CCDC27: variants seen among roughly 807,000 people sequenced by gnomAD.
The protein encoded by CCDC27 is coiled-coil domain containing 27, also known as coiled-coil domain-containing protein 27.
In CCDC27, 80 loss-of-function variants were observed where a neutral mutation model predicts 80.3. That is an observed-to-expected ratio of 1.00 (90% confidence interval 0.83 to 1.20). The LOEUF is 1.20. CCDC27 is among the 50% of genes most tolerant of loss of function. The probability of loss-of-function intolerance (pLI) is 0.00; values close to 1 mark genes in which losing one functional copy is unlikely to be tolerated. For missense variants in CCDC27, 815 were observed against 809.4 expected (o/e 1.01, Z -0.08); for synonymous variants, 342 against 334.3 (o/e 1.02, Z -0.25).
chr1:3,753,582 C>T (rs1027522207), intron 1 of CCDC27, among the ~76,000 whole-genome samples: 4 of 152,146 alleles, frequency 2.6e-5, no homozygotes, highest in African/African-American at 7.2e-5. Flanking sequence ...GTGATCTGCC[C>T]GCCTTGGCCT....
At position 3,766,675 on chromosome 1, in the gene CCDC27, C is replaced by T; in HGVS notation, c.1530+63C>T. The T allele has an allele frequency of 7.3e-7, 1 of 1,376,606 alleles. No homozygotes were observed. Among genetic ancestry groups the T allele is most frequent in the Non-Finnish European group, 1.0e-6 (1 of 972,008 alleles). 85.3% of individuals were successfully genotyped at this position (1,376,606 alleles called of 1,614,324 possible). ...ACTGTTCTTACTGTAAGTCCCAACA[C>T]AGCAAAGGGCAAGACGGGGCTGGAG... On this transcript the variant is annotated intron_variant, in intron 9 of 11. Coordinates refer to ENST00000294600, the MANE Select transcript of CCDC27 (RefSeq NM_152492.3). The surrounding 1 kb of genome is among the most constrained non-coding windows in gnomAD (Gnocchi z 6.1).
chr1:3,752,947 G>A (rs973188148), intron 1 of CCDC27, 148 bp downstream of exon 1: 24 of 933,872 alleles, frequency 2.6e-5, no homozygotes, highest in Admixed American at 1.4e-4. Context: ...GGCAGGCAAC[G>A]AATTGAGCGC....
chr1:3,758,609 T>C (rs901513331), intron 4 of CCDC27, among the ~76,000 whole-genome samples: 1 of 152,212 alleles, frequency 6.6e-6, no homozygotes, highest in Non-Finnish European at 1.5e-5. Flanking sequence ...ATTTAATTTA[T>C]TATGAGACAA....
chr1:3,756,690 G>A, intron 3 of CCDC27, 43 bp from the exon 4 acceptor site: 1 of 1,608,470 alleles, frequency 6.2e-7, no homozygotes. Flanking sequence ...GAGCTCGGCA[G>A]GGAAGGGTCT....
Position 3,763,798 on chromosome 1 carries a change from C to A in CCDC27, c.1414C>A (p.Arg472=). The A allele has an allele frequency of 1.2e-6, 2 of 1,614,078 alleles. No homozygotes were observed. The highest frequency in any genetic ancestry group is 1.7e-6 in the Non-Finnish European group (2 of 1,179,982). ...TENETLQKEL[R]ERRQQLQAMT... is the part of the protein sequence containing the mutation. Reference sequence around the variant, plus strand: ...AAATGAGACGCTGCAGAAGGAGCTCCGAGAGCGGAGGCAGCAGCTACAAGC... The same window carrying A: ...AAATGAGACGCTGCAGAAGGAGCTCAGAGAGCGGAGGCAGCAGCTACAAGC... Residue 472 remains arginine (R), a synonymous_variant, in exon 8 of 12, where the codon CGA becomes AGA. Transcript: ENST00000294600. The surrounding 1 kb of genome is among the most constrained non-coding windows in gnomAD (Gnocchi z 7.5).
In CCDC27 at chr1:3,768,144, G is replaced by T. The variant is rs1051776537; in HGVS notation, c.1743+699G>T. 6.7e-6 allele frequency among the ~76,000 whole-genome samples: 1 copy of T among 149,558 alleles called. No individual in the cohort carries two copies. Among genetic ancestry groups the T allele is most frequent in the African/African-American group, 2.5e-5 (1 of 40,356 alleles). ...GGGTCTTTCTCTGTCATCCAGTCTG[G>T]AGTGCAGTGGGGTGATAACAGCTCA... On this transcript the variant is annotated intron_variant, in intron 10 of 11. Transcript: ENST00000294600. The surrounding 1 kb of genome is among the most constrained non-coding windows in gnomAD (Gnocchi z 5.6).
intron 1 of CCDC27, among the ~76,000 whole-genome samples, chr1:3,753,483 G>A (rs1557618406): frequency 6.6e-6 from 1 of 152,018 alleles, no homozygotes; most frequent in Non-Finnish European, 1.5e-5. Context: ...ACCTTGCCCG[G>A]CTAATTTTAT....
Position 3,763,243 on chromosome 1 carries a change from T to A in CCDC27, c.1090T>A (p.Ser364Thr), listed in dbSNP as rs573223336. The change falls in exon 7 of 12, where the codon TCC (serine) becomes ACC (threonine). Residue 364 changes from serine to threonine, a missense_variant. By Grantham distance (58) the Ser-to-Thr change is moderately conservative. Coordinates refer to ENST00000294600, the MANE Select transcript of CCDC27 (RefSeq NM_152492.3). This position sits in a 1 kb window ranked among gnomAD's most constrained non-coding sequence, Gnocchi z 7.5. ...GAWGGVSQMG[S>T]VHEEGSEEEE... The stretch of plus-strand genomic sequence containing the variant: ...CTGGGGAGGTGTGAGCCAGATGGGA[T>A]CCGTGCATGAGGAGGGAAGCGAGGA... 1.2e-5 allele frequency: 19 copies of A among 1,561,262 alleles called. No individual in the cohort carries two copies. In the South Asian group the frequency reaches 2.1e-4, roughly 17 times the overall value.
rs1642931893 is a variant in CCDC27 at position 3,755,549 on chromosome 1, T to C, written c.535T>C (p.Ser179Pro). 6.2e-7 allele frequency: 1 copy of C among 1,613,932 alleles called. No individual in the cohort carries two copies. ...TQDLFLARRG[S>P]DTNVDGYLLP... is the part of the protein sequence containing the mutation. ...GGACCTGTTCTTGGCCAGGCGGGGC[T>C]CAGACACGAACGTGGACGGTGAGGG... Residue 179 changes from serine to proline, a missense_variant, in exon 3 of 12, where the codon TCA (serine) becomes CCA (proline). Coordinates refer to ENST00000294600, the MANE Select transcript of CCDC27 (RefSeq NM_152492.3).
chr1:3,752,538 G>A lies in CCDC27; in HGVS notation c.57G>A (p.Arg19=), dbSNP rs199579389. 6.2e-7 allele frequency: 1 copy of A among 1,614,120 alleles called. No homozygotes were observed. Among genetic ancestry groups the A allele is most frequent in the Non-Finnish European group, 8.5e-7 (1 of 1,180,036 alleles). The change falls in exon 1 of 12, where the codon CGG becomes CGA. Residue 19 remains arginine (R), a synonymous_variant. Coordinates refer to ENST00000294600, the MANE Select transcript of CCDC27 (RefSeq NM_152492.3). ...AAGCCAGGCTGAAGAGAGATCCACG[G>A]GAAAAGCCGGGCCTGTCCTCATTCA... ...TPQARLKRDP[R]EKPGLSSFRS...
At chr1:3,757,343 TTACTC>T (rs1234192562) in intron 4 of CCDC27, among the ~76,000 whole-genome samples, 1 of 152,200 alleles carries the variant, frequency 6.6e-6, no homozygotes, top group Non-Finnish European at 1.5e-5. Context: ...AGTATCAAAG[TTACTC>T]TGGCCTCATT....
rs1643154545 is a variant in CCDC27 at position 3,763,753 on chromosome 1, C to T, written c.1369C>T (p.Leu457=). 25 of 1,614,020 alleles carry T rather than the reference C, an allele frequency of 1.5e-5. No individual in the cohort carries two copies. Among genetic ancestry groups the T allele is most frequent in the Non-Finnish European group, 1.9e-5 (23 of 1,179,982 alleles). ...ACAAGTGGATTTCCAAGAAACCCAG[C>T]TGCGAAAGATCAATACGGAAAATGA... ...QQQVDFQETQ[L]RKINTENETL... Residue 457 remains leucine, a synonymous_variant, in exon 8 of 12, where the codon CTG becomes TTG. Transcript: ENST00000294600. The surrounding 1 kb of genome is among the most constrained non-coding windows in gnomAD (Gnocchi z 7.5).
intron 8 of CCDC27, among the ~76,000 whole-genome samples, chr1:3,764,070 T>G (rs1300941262): frequency 2.6e-5 from 4 of 152,166 alleles, no homozygotes; most frequent in Non-Finnish European, 4.4e-5. Flanking sequence ...GCCCTGTCCC[T>G]GGGCTGGAGG....
At position 3,763,106 on chromosome 1, in the gene CCDC27, A is replaced by T. The variant is rs1643128623; in HGVS notation, c.955-2A>T. 2 of 1,469,586 alleles carry T rather than the reference A, an allele frequency of 1.4e-6. No homozygotes were observed. Among genetic ancestry groups the T allele is most frequent in the Non-Finnish European group, 9.0e-7 (1 of 1,109,372 alleles). The allele number at this position is 1,469,586 out of a possible 1,614,324, so 91.0% of individuals were successfully genotyped here. A position where few individuals can be genotyped will look rare whatever the true frequency, so the allele number is the denominator to read the frequency against. On this transcript the variant is annotated splice_acceptor_variant, in intron 6 of 11. Transcript: ENST00000294600. LOFTEE classifies it high-confidence loss of function. The surrounding 1 kb of genome is among the most constrained non-coding windows in gnomAD (Gnocchi z 7.5). ...CCAGCCCCTGCCCTACCCATCTTAC[A>T]GATGCAGGAGGAGTCTGCGGCACCG...
intron 11 of CCDC27, among the ~76,000 whole-genome samples, chr1:3,770,845 G>C (rs1335571915): frequency 1.3e-5 from 2 of 152,154 alleles, no homozygotes; most frequent in Non-Finnish European, 2.9e-5. Flanking sequence ...AGGGAAGACA[G>C]AGGATGGAGG....
intron 4 of CCDC27, among the ~76,000 whole-genome samples, chr1:3,759,216 CAAA>C (rs57907387): frequency 6.9e-6 from 1 of 144,278 alleles, no homozygotes; most frequent in African/African-American, 2.6e-5. Flanking sequence ...GACTTTGTCT[CAAA>C]AAAAAAAAAA....
At position 3,760,368 on chromosome 1, in the gene CCDC27, A is replaced by ATC. The variant is rs1235354245; in HGVS notation, c.712-912_712-911dup. ...CCTCTCTCCCTCTCTCCCTTCCTAT[A>ATC]TCATAAATTTTCACACCTATCTTTA... On this transcript the variant is annotated intron_variant, in intron 4 of 11. Coordinates refer to ENST00000294600, the MANE Select transcript of CCDC27 (RefSeq NM_152492.3). This position sits in a 1 kb window ranked among gnomAD's most constrained non-coding sequence, Gnocchi z 4.3. 1.3e-5 allele frequency among the ~76,000 whole-genome samples: 2 copies of ATC among 151,430 alleles called. No homozygotes were observed. The highest frequency in any genetic ancestry group is 2.9e-5 in the Non-Finnish European group (2 of 67,916).
In CCDC27 at chr1:3,762,640, GC is replaced by G; in HGVS notation, c.883del (p.Leu295Ter). 1.3e-6 allele frequency: 2 copies of G among 1,550,578 alleles called. No homozygotes were observed. The highest frequency in any genetic ancestry group is 1.2e-5 in the South Asian group (1 of 84,016). On this transcript the variant is annotated frameshift_variant, in exon 6 of 12. Transcript: ENST00000294600. LOFTEE classifies it high-confidence loss of function. The part of the protein sequence containing the change: ...GRREQLSDAS[L>X]KLGRLSLLKA... Reference sequence around the variant, plus strand: ...TGCAGGAGCAGCTCTCAGACGCTTCGCTGAAGCTGGGCAGGCTGAGCCTCCT... The same window carrying G: ...TGCAGGAGCAGCTCTCAGACGCTTCGTGAAGCTGGGCAGGCTGAGCCTCCT...
chr1:3,763,757 G>A lies in CCDC27; in HGVS notation c.1373G>A (p.Arg458Gln), dbSNP rs768109329. The A allele has an allele frequency of 2.5e-5, 40 of 1,614,024 alleles. No homozygotes were observed. Among genetic ancestry groups the A allele is most frequent in the African/African-American group, 1.6e-4 (12 of 74,914 alleles). ...QQVDFQETQL[R>Q]KINTENETLQ... The stretch of plus-strand genomic sequence containing the variant: ...GTGGATTTCCAAGAAACCCAGCTGC[G>A]AAAGATCAATACGGAAAATGAGACG... The change falls in exon 8 of 12, where the codon CGA becomes CAA. Residue 458 changes from arginine (R) to glutamine (Q), a missense_variant. Coordinates refer to ENST00000294600, the MANE Select transcript of CCDC27 (RefSeq NM_152492.3). This position sits in a 1 kb window ranked among gnomAD's most constrained non-coding sequence, Gnocchi z 7.5.
Sources: allele counts gnomAD v4.1 joint callset (sites outside exome capture counted in the v4.1 genomes callset), GRCh38; gene constraint gnomAD v4.1.1; non-coding constraint Gnocchi (gnomAD v3.1); transcripts MANE v1.5; gene names NCBI Gene and HGNC (gene_info 2026-07-23, HGNC 2026-07-21).